TK2: variants seen among roughly 807,000 people sequenced by gnomAD.
The protein encoded by TK2 is thymidine kinase 2, mitochondrial.
Under a neutral mutation model 41.9 loss-of-function variants are expected in TK2, and 35 were observed. That is an observed-to-expected ratio of 0.84 (90% CI 0.64 to 1.11). The LOEUF is 1.11. TK2 is among the 50% of genes least tolerant of loss of function. The pLI, the probability that TK2 is intolerant of heterozygous loss-of-function variation, is 0.00. For missense variants in TK2, 320 were observed against 351.1 expected (o/e 0.91, Z 0.71); for synonymous variants, 128 against 129.1 (o/e 0.99, Z 0.06).
intron 4 of TK2, among the ~76,000 whole-genome samples, chr16:66,534,997 G>A (rs1179561900): frequency 6.6e-6 from 1 of 151,986 alleles, no homozygotes; most frequent in Non-Finnish European, 1.5e-5. Flanking sequence ...CCTCATTTTT[G>A]CTTTTCATTT....
chr16:66,517,851 A>G lies in TK2; in HGVS notation c.476T>C (p.Val159Ala). 1.2e-6 allele frequency: 2 copies of G among 1,614,208 alleles called. No homozygotes were observed. The highest frequency in any genetic ancestry group is 1.7e-6 in the Non-Finnish European group (2 of 1,180,022). The change falls in exon 7 of 10, where the codon GTA becomes GCA. Residue 159 changes from valine (V) to alanine (A), a missense_variant. Coordinates refer to ENST00000544898, the MANE Select transcript of TK2 (RefSeq NM_004614.5). The surrounding 1 kb of genome is among the most constrained non-coding windows in gnomAD (Gnocchi z 4.3). ...CCAGTCAAACCATTCCGACAGAACT[A>G]CATAGTCCACTTCTGGCATCTTCCC... ...RSGKMPEVDYVVLSEWFDWIL... is the reference protein window; with the variant it reads ...RSGKMPEVDYAVLSEWFDWIL...
chr16:66,540,642 T>C (rs1374548914), intron 3 of TK2, among the ~76,000 whole-genome samples: 1 of 152,270 alleles, frequency 6.6e-6, no homozygotes, highest in African/African-American at 2.4e-5. Flanking sequence ...TGTCTTAGTG[T>C]AGAGATGATT....
At chr16:66,521,466 CG>C (rs34482717) in intron 6 of TK2, among the ~76,000 whole-genome samples, 1 of 152,206 alleles carries the variant, frequency 6.6e-6, no homozygotes, top group South Asian at 2.1e-4. Flanking sequence ...GGTCCTTGGT[CG>C]GGTGGCCTCC....
intron 2 of TK2, among the ~76,000 whole-genome samples, chr16:66,542,635 G>A (rs1309244752): frequency 1.3e-5 from 2 of 152,184 alleles, no homozygotes; most frequent in Admixed American, 1.3e-4. Context: ...ACGTGGGAGG[G>A]AAAGGGGGTC....
chr16:66,547,480 C>G (rs571132006), intron 2 of TK2, among the ~76,000 whole-genome samples: 163 of 152,116 alleles, frequency 1.1e-3, no homozygotes, highest in Non-Finnish European at 2.0e-3. Context: ...GCCACAAGCC[C>G]AGGCCTGCAG....
chr16:66,534,758 C>T (rs1310492069), intron 4 of TK2, among the ~76,000 whole-genome samples: 2 of 152,254 alleles, frequency 1.3e-5, no homozygotes, highest in Non-Finnish European at 2.9e-5. Context: ...AATCACTCTC[C>T]ATCCCTTCTA....
At chr16:66,539,167 A>G (rs943101056) in intron 3 of TK2, among the ~76,000 whole-genome samples, 2 of 152,174 alleles carry the variant, frequency 1.3e-5, no homozygotes, top group East Asian at 1.9e-4. Flanking sequence ...ATTAAGAGTC[A>G]TATCACTCAG....
At chr16:66,512,388 C>A (rs1597072465) in intron 9 of TK2, among the ~76,000 whole-genome samples, 1 of 152,056 alleles carries the variant, frequency 6.6e-6, no homozygotes, top group Non-Finnish European at 1.5e-5. Context: ...CACAGTGAGA[C>A]CCTGTAAGCT....
At position 66,511,567 on chromosome 16, in the gene TK2, T is replaced by C. The variant is rs1964450642; in HGVS notation, c.*401A>G. On this transcript the variant is annotated 3_prime_UTR_variant, in exon 10 of 10. Coordinates refer to ENST00000544898, the MANE Select transcript of TK2 (RefSeq NM_004614.5). ...GGGAGCCCCTCAACCTTTCTGAGCT[T>C]CAAATTCCTCACCTGGGATATAAGA... 3.0e-6 allele frequency: 1 copy of C among 334,480 alleles called. No individual in the cohort carries two copies. The highest frequency in any genetic ancestry group is 5.8e-6 in the Non-Finnish European group (1 of 171,598). 20.7% of individuals were successfully genotyped at this position (334,480 alleles called of 1,614,324 possible). A position where few individuals can be genotyped will look rare whatever the true frequency, so the allele number is the denominator to read the frequency against.
chr16:66,521,997 TTTG>T (rs1290973881), intron 6 of TK2, among the ~76,000 whole-genome samples: 1 of 152,162 alleles, frequency 6.6e-6, no homozygotes, highest in East Asian at 1.9e-4. Flanking sequence ...GTTATTTCCT[TTTG>T]TTTTCACAAG....
At chr16:66,531,902 G>T (rs1006232354) in intron 4 of TK2, among the ~76,000 whole-genome samples, 5 of 151,932 alleles carry the variant, frequency 3.3e-5, no homozygotes, top group Non-Finnish European at 5.9e-5. Flanking sequence ...TTTATAAGTG[G>T]GTACAATGGG....
At chr16:66,526,039 A>C (rs1295661972) in intron 6 of TK2, among the ~76,000 whole-genome samples, 1 of 152,208 alleles carries the variant, frequency 6.6e-6, no homozygotes, top group Non-Finnish European at 1.5e-5. Flanking sequence ...CGCATCAGAA[A>C]TGTGGTGATG....
chr16:66,509,885 C>T lies in TK2; in HGVS notation c.*2083G>A, dbSNP rs933305727. ...AGCCCTTGTGCAAGCTGGCTTCAGC[C>T]GTTTCAGGTGTGGTCTCTAGGCTGG... On this transcript the variant is annotated 3_prime_UTR_variant, in exon 10 of 10. Coordinates refer to ENST00000544898, the MANE Select transcript of TK2 (RefSeq NM_004614.5). The T allele has an allele frequency of 6.6e-6, 1 of 152,572 alleles. No homozygotes were observed. The highest frequency in any genetic ancestry group is 1.5e-5 in the Non-Finnish European group (1 of 68,326). 9.5% of individuals were successfully genotyped at this position (152,572 alleles called of 1,614,324 possible). A position where few individuals can be genotyped will look rare whatever the true frequency, so the allele number is the denominator to read the frequency against.
chr16:66,512,597 C>T (rs564652523), intron 9 of TK2, among the ~76,000 whole-genome samples: 6 of 152,280 alleles, frequency 3.9e-5, no homozygotes, highest in East Asian at 3.9e-4. Flanking sequence ...GCTTGGCCAA[C>T]GTGGCAAAAT....
chr16:66,543,531 C>T (rs1965518434), intron 2 of TK2, among the ~76,000 whole-genome samples: 2 of 152,166 alleles, frequency 1.3e-5, no homozygotes, highest in Admixed American at 6.5e-5. Flanking sequence ...TCCAGGGGCA[C>T]ACACAGAGAG....
chr16:66,541,131 G>C (rs1461994928), intron 3 of TK2, among the ~76,000 whole-genome samples: 1 of 152,052 alleles, frequency 6.6e-6, no homozygotes, highest in Non-Finnish European at 1.5e-5. Context: ...TTACCTTCAG[G>C]CTATGTATAT....
chr16:66,549,756 G>C, intron 1 of TK2, 182 bp downstream of exon 1: 1 of 1,277,358 alleles, frequency 7.8e-7, no homozygotes, highest in Non-Finnish European at 9.8e-7. Context: ...CGCCCCCAGC[G>C]CTCGCTGCGG....
In TK2 at chr16:66,521,518, C is replaced by T. The variant is rs558541872; in HGVS notation, c.450-3641G>A. ...TAGGCCAGACCTATTGAAAACCCTT[C>T]CATGACTAGAACCATGTGCCAGAAG... On this transcript the variant is annotated intron_variant, in intron 6 of 9. Coordinates refer to ENST00000544898, the MANE Select transcript of TK2 (RefSeq NM_004614.5). Among the ~76,000 whole-genome samples the T allele has an allele frequency of 3.9e-5, 6 of 152,370 alleles. No homozygotes were observed. In the South Asian group the frequency reaches 1.2e-3, roughly 32 times the overall value.
intron 9 of TK2, among the ~76,000 whole-genome samples, chr16:66,512,936 AAAC>A (rs1382390755): frequency 2.6e-5 from 4 of 152,166 alleles, no homozygotes; most frequent in Non-Finnish European, 5.9e-5. Flanking sequence ...ACATCCCATC[AAAC>A]AATGCTCCTA....
Sources: allele counts gnomAD v4.1 joint callset (sites outside exome capture counted in the v4.1 genomes callset), GRCh38; gene constraint gnomAD v4.1.1; non-coding constraint Gnocchi (gnomAD v3.1); transcripts MANE v1.5; gene names NCBI Gene and HGNC (gene_info 2026-07-23, HGNC 2026-07-21).